The following SDC2 variants were observed in gnomAD, a reference collection of about 807,000 sequenced individuals.
The protein encoded by SDC2 is syndecan 2.
SDC2 carries 13 observed loss-of-function variants against 22.2 expected under a neutral mutation model. The observed-to-expected ratio is 0.59, with a 90% CI of 0.38 to 0.93. The LOEUF (loss-of-function observed/expected upper bound fraction) is 0.93. Among genes scored for constraint, SDC2 ranks in the 40% least tolerant of loss-of-function variants. The probability of loss-of-function intolerance (pLI) is 0.00; values close to 1 mark genes in which losing one functional copy is unlikely to be tolerated. For synonymous variants in SDC2, 94 were observed against 92.8 expected (o/e 1.01, Z -0.07); for missense variants, 235 against 246.8 (o/e 0.95, Z 0.32).
Position 96,609,648 on chromosome 8 carries a change from GA to G in SDC2, c.*101del, listed in dbSNP as rs146402363. On this transcript the variant is annotated 3_prime_UTR_variant, in exon 5 of 5. Coordinates refer to ENST00000302190, the MANE Select transcript of SDC2 (RefSeq NM_002998.4). Reference sequence around the variant, plus strand: ...ATCTTTGTTTTTTGTTTTCATTAAAGAGCCATTCTGGCACTTTAATGATAAA... The same window carrying G: ...ATCTTTGTTTTTTGTTTTCATTAAAGGCCATTCTGGCACTTTAATGATAAA... 1,195 of 754,518 alleles carry G rather than the reference GA, an allele frequency of 1.6e-3. 8 individuals are homozygous for G. The African/African-American group carries it at 0.019, about 12-fold the overall frequency. The allele number at this position is 754,518 out of a possible 1,614,324, so 46.7% of individuals were successfully genotyped here. A position where few individuals can be genotyped will look rare whatever the true frequency, so the allele number is the denominator to read the frequency against.
intron 1 of SDC2, among the ~76,000 whole-genome samples, chr8:96,562,513 C>T (rs1404522188): frequency 6.6e-6 from 1 of 152,170 alleles, no homozygotes; most frequent in Non-Finnish European, 1.5e-5. Flanking sequence ...GGAAGAGACT[C>T]ATTGTTACTG....
intron 1 of SDC2, among the ~76,000 whole-genome samples, chr8:96,498,451 C>G (rs1181551268): frequency 6.6e-6 from 1 of 150,912 alleles, no homozygotes; most frequent in Non-Finnish European, 1.5e-5. Context: ...GAAATGTGGT[C>G]CCTTCCTGCA....
chr8:96,601,012 G>A, intron 2 of SDC2, among the ~76,000 whole-genome samples: 1 of 152,164 alleles, frequency 6.6e-6, no homozygotes, highest in East Asian at 1.9e-4. Flanking sequence ...TTTGATATTT[G>A]ATGTTGAGGT....
At chr8:96,597,663 A>T (rs2582799) in intron 2 of SDC2, among the ~76,000 whole-genome samples, 3 of 152,122 alleles carry the variant, frequency 2.0e-5, no homozygotes, top group Non-Finnish European at 4.4e-5. Context: ...ACAGGATACT[A>T]TAAAACAGGA....
At chr8:96,592,609 A>G (rs183448742) in intron 1 of SDC2, among the ~76,000 whole-genome samples, 2 of 152,250 alleles carry the variant, frequency 1.3e-5, no homozygotes, top group Admixed American at 6.5e-5. Context: ...AGTTCATGCA[A>G]GTTCTTCTTT....
Position 96,494,177 on chromosome 8 carries a change from G to A in SDC2, c.-95G>A. ...GCAATCGCTGCGGTACTCTGCTCCGGATTCGTGTGCGCGGGCTGCGCCGAG... is the reference window on the plus strand; with the variant it reads ...GCAATCGCTGCGGTACTCTGCTCCGAATTCGTGTGCGCGGGCTGCGCCGAG... On this transcript the variant is annotated 5_prime_UTR_variant, in exon 1 of 5. Coordinates refer to ENST00000302190, the MANE Select transcript of SDC2 (RefSeq NM_002998.4). The A allele has an allele frequency of 3.0e-6, 4 of 1,326,006 alleles. No individual in the cohort carries two copies. Among genetic ancestry groups the A allele is most frequent in the Non-Finnish European group, 4.2e-6 (4 of 963,262 alleles). 82.1% of individuals were successfully genotyped at this position (1,326,006 alleles called of 1,614,324 possible).
intron 1 of SDC2, among the ~76,000 whole-genome samples, chr8:96,506,449 C>T (rs1813239811): frequency 6.6e-6 from 1 of 150,822 alleles, no homozygotes; most frequent in Non-Finnish European, 1.5e-5. Context: ...TTATACACAT[C>T]ATATATTATA....
At chr8:96,500,295 G>C (rs1328977961) in intron 1 of SDC2, among the ~76,000 whole-genome samples, 1 of 152,156 alleles carries the variant, frequency 6.6e-6, no homozygotes, top group Non-Finnish European at 1.5e-5. Context: ...TGGTCATTTA[G>C]AATGAGGTGG....
chr8:96,494,340 G>A lies in SDC2; in HGVS notation c.60+9G>A, dbSNP rs1226394917. 6.5e-7 allele frequency: 1 copy of A among 1,540,254 alleles called. No homozygotes were observed. The highest frequency in any genetic ancestry group is 8.7e-7 in the Non-Finnish European group (1 of 1,147,658). Reference sequence around the variant, plus strand: ...GCGTGTCGGCGGAGTCGGTGAGTGGGCCAGGCGGAGGATGCGCGCGCCGTT... The same window carrying A: ...GCGTGTCGGCGGAGTCGGTGAGTGGACCAGGCGGAGGATGCGCGCGCCGTT... On this transcript the variant is annotated intron_variant, in intron 1 of 4. Transcript: ENST00000302190.
chr8:96,583,356 ATATAT>A (rs927160359), intron 1 of SDC2, among the ~76,000 whole-genome samples: 2 of 142,818 alleles, frequency 1.4e-5, no homozygotes, highest in Non-Finnish European at 3.0e-5. Flanking sequence ...TATATATTAT[ATATAT>A]TATATATCAT....
intron 2 of SDC2, among the ~76,000 whole-genome samples, chr8:96,601,306 G>A (rs1018659774): frequency 3.9e-5 from 6 of 152,064 alleles, no homozygotes; most frequent in Non-Finnish European, 7.4e-5. Flanking sequence ...ATGAGGACAA[G>A]ACCTAGTGAG....
At chr8:96,585,649 C>T (rs990672607) in intron 1 of SDC2, among the ~76,000 whole-genome samples, 1 of 152,110 alleles carries the variant, frequency 6.6e-6, no homozygotes, top group African/African-American at 2.4e-5. Flanking sequence ...ATCTGAGATG[C>T]TGTTTTAAAT....
intron 1 of SDC2, among the ~76,000 whole-genome samples, chr8:96,527,711 T>C (rs1813600586): frequency 6.6e-6 from 1 of 152,188 alleles, no homozygotes; most frequent in South Asian, 2.1e-4. Context: ...GGGATGGATC[T>C]GTAGGGTGCA....
chr8:96,598,439 G>A (rs191818071), intron 2 of SDC2, among the ~76,000 whole-genome samples: 11 of 152,172 alleles, frequency 7.2e-5, no homozygotes, highest in East Asian at 1.9e-4. Context: ...CTGACATGGC[G>A]AAACCCCATC....
intron 1 of SDC2, among the ~76,000 whole-genome samples, chr8:96,536,171 A>C (rs190740060): frequency 2.0e-5 from 3 of 151,934 alleles, no homozygotes; most frequent in African/African-American, 4.8e-5. Flanking sequence ...GTTTCTTCCA[A>C]AAATTTTCTC....
chr8:96,514,887 G>T (rs954759264), intron 1 of SDC2, among the ~76,000 whole-genome samples: 7 of 152,216 alleles, frequency 4.6e-5, no homozygotes, highest in Non-Finnish European at 1.0e-4. Context: ...AACAGGCCAT[G>T]GACCAGTACT....
At chr8:96,542,237 C>G (rs1813862261) in intron 1 of SDC2, among the ~76,000 whole-genome samples, 1 of 152,298 alleles carries the variant, frequency 6.6e-6, no homozygotes, top group East Asian at 1.9e-4. Context: ...CTAAATCCAG[C>G]TCTGCTCCTC....
chr8:96,537,163 T>C (rs886479237), intron 1 of SDC2: 7 of 152,340 alleles, frequency 4.6e-5, no homozygotes, highest in African/African-American at 1.7e-4. Flanking sequence ...AATTACATTT[T>C]GAGCAATTTT....
chr8:96,511,842 A>G lies in SDC2; in HGVS notation c.60+17511A>G, dbSNP rs547838255. On this transcript the variant is annotated intron_variant, in intron 1 of 4. Transcript: ENST00000302190. ...CAAGGCTTACGTAACTCTCAGCTCA[A>G]CCTTACTTTGTTAGATTCACTTTCA... is the stretch of plus-strand genomic sequence containing the variant. 2.0e-5 allele frequency among the ~76,000 whole-genome samples: 3 copies of G among 151,860 alleles called. No homozygotes were observed. The South Asian group carries it at 6.2e-4, about 31-fold the overall frequency.
Sources: gnomAD v4.1 joint callset for allele counts (sites outside exome capture counted in the v4.1 genomes callset) on GRCh38, gnomAD v4.1.1 for gene constraint, MANE v1.5 for transcripts, NCBI Gene and HGNC (gene_info 2026-07-23, HGNC 2026-07-21) for gene names.